Variants in CCDC192 observed in about 807,000 individuals in gnomAD.
CCDC192 encodes the protein coiled-coil domain containing 192.
chr5:127,757,006 C>T (rs1010324781), intron 3 of CCDC192, among the ~76,000 whole-genome samples: 3 of 152,086 alleles, frequency 2.0e-5, no homozygotes, highest in Non-Finnish European at 4.4e-5. Context: ...TTTATTTTTT[C>T]AGTAATATAG....
intron 5 of CCDC192, among the ~76,000 whole-genome samples, chr5:127,798,541 C>T (rs1757303181): frequency 6.6e-6 from 1 of 152,052 alleles, no homozygotes; most frequent in Non-Finnish European, 1.5e-5. Context: ...TTAAACTTTA[C>T]TGTATGTAAG....
chr5:127,828,711 G>T (rs1173615679), intron 5 of CCDC192, among the ~76,000 whole-genome samples: 1 of 152,188 alleles, frequency 6.6e-6, no homozygotes, highest in Non-Finnish European at 1.5e-5. Flanking sequence ...TCTCTCAGAA[G>T]AAATGAAATG....
intron 6 of CCDC192, among the ~76,000 whole-genome samples, chr5:127,924,375 A>G (rs775147882): frequency 7.2e-5 from 11 of 152,220 alleles, no homozygotes; most frequent in Non-Finnish European, 1.3e-4. Context: ...AAACACTGGG[A>G]GGGTCATCTT....
chr5:127,911,948 AT>A (rs1753371608), intron 6 of CCDC192, among the ~76,000 whole-genome samples: 1 of 151,414 alleles, frequency 6.6e-6, no homozygotes, highest in Non-Finnish European at 1.5e-5. Context: ...TTCGGATGGA[AT>A]TTTGCTCTGT....
At chr5:127,902,780 A>G (rs1753076229) in intron 6 of CCDC192, among the ~76,000 whole-genome samples, 1 of 152,214 alleles carries the variant, frequency 6.6e-6, no homozygotes, top group Non-Finnish European at 1.5e-5. Flanking sequence ...CGATGACACC[A>G]GTTACTCTGG....
chr5:127,928,101 T>C (rs976320442), intron 6 of CCDC192, among the ~76,000 whole-genome samples: 1 of 152,044 alleles, frequency 6.6e-6, no homozygotes, highest in African/African-American at 2.4e-5. Flanking sequence ...CTAATTTCTG[T>C]ATGTTTAGTA....
intron 2 of CCDC192, among the ~76,000 whole-genome samples, chr5:127,747,507 T>G (rs1035676767): frequency 4.6e-5 from 7 of 152,164 alleles, no homozygotes; most frequent in African/African-American, 1.7e-4. Context: ...AGTCTGTCAT[T>G]GTTGGGCATT....
intron 5 of CCDC192, among the ~76,000 whole-genome samples, chr5:127,809,725 T>C (rs1334346007): frequency 6.6e-6 from 1 of 152,096 alleles, no homozygotes; most frequent in African/African-American, 2.4e-5. Flanking sequence ...GCTGGCAAAG[T>C]CTACTGCAGT....
chr5:127,795,944 G>T (rs932368971), intron 3 of CCDC192, among the ~76,000 whole-genome samples: 1 of 152,088 alleles, frequency 6.6e-6, no homozygotes, highest in African/African-American at 2.4e-5. Context: ...GGTCTCCAAG[G>T]CCACCAAGAG....
chr5:127,787,872 A>C (rs1756638416), intron 3 of CCDC192, among the ~76,000 whole-genome samples: 2 of 152,186 alleles, frequency 1.3e-5, no homozygotes, highest in South Asian at 4.1e-4. Context: ...ACTTGAGGTG[A>C]GGAGTTTGAG....
At chr5:127,792,525 C>CGT (rs139549288) in intron 3 of CCDC192, among the ~76,000 whole-genome samples, 3 of 141,298 alleles carry the variant, frequency 2.1e-5, no homozygotes, top group Middle Eastern at 3.6e-3. Flanking sequence ...ATCACCATCT[C>CGT]ATATATATAT....
intron 6 of CCDC192, among the ~76,000 whole-genome samples, chr5:127,932,398 T>A (rs1441537052): frequency 1.3e-5 from 2 of 151,716 alleles, no homozygotes; most frequent in African/African-American, 4.8e-5. Flanking sequence ...GAGACAGGGT[T>A]TCTCCATGTT....
intron 2 of CCDC192, among the ~76,000 whole-genome samples, chr5:127,736,429 T>A (rs1390843104): frequency 6.6e-6 from 1 of 151,822 alleles, no homozygotes; most frequent in African/African-American, 2.4e-5. Context: ...GGTATCAGAA[T>A]GATGCTTGCC....
At chr5:127,888,183 A>G (rs943060976) in intron 6 of CCDC192, among the ~76,000 whole-genome samples, 3 of 151,968 alleles carry the variant, frequency 2.0e-5, no homozygotes, top group South Asian at 4.2e-4. Flanking sequence ...TGGGAGGCCA[A>G]GGTACATAGA....
At chr5:127,725,068 CTCTT>C (rs1752245037) in intron 2 of CCDC192, among the ~76,000 whole-genome samples, 1 of 152,048 alleles carries the variant, frequency 6.6e-6, no homozygotes, top group South Asian at 2.1e-4. Flanking sequence ...CATAGCAAAA[CTCTT>C]TATATCAAAT....
intron 6 of CCDC192, among the ~76,000 whole-genome samples, chr5:127,909,064 G>A (rs17164533): frequency 0.21 from 31,651 of 152,140 alleles, 3,442 homozygotes; most frequent in East Asian, 0.32. Flanking sequence ...GGGAGGTCAT[G>A]TGATGTGATA....
intron 5 of CCDC192, among the ~76,000 whole-genome samples, chr5:127,862,757 G>C (rs769070278): frequency 2.6e-5 from 4 of 152,008 alleles, no homozygotes; most frequent in Non-Finnish European, 5.9e-5. Flanking sequence ...TTATCATAAG[G>C]TTTCCTATTT....
intron 5 of CCDC192, among the ~76,000 whole-genome samples, chr5:127,854,047 G>A (rs2127090339): frequency 1.3e-5 from 2 of 152,140 alleles, no homozygotes; most frequent in East Asian, 3.8e-4. Flanking sequence ...CCACTCAGCA[G>A]CCTGCAGCAC....
At chr5:127,813,163 C>T (rs56012812) in intron 5 of CCDC192, among the ~76,000 whole-genome samples, 3,505 of 152,264 alleles carry the variant, frequency 0.023, 72 homozygotes, top group African/African-American at 0.053. Flanking sequence ...GCCCTTTTGA[C>T]GTTACTGTTC....
Sources: gnomAD v4.1 joint callset for allele counts (sites outside exome capture counted in the v4.1 genomes callset) on GRCh38, gnomAD v4.1.1 for gene constraint, MANE v1.5 for transcripts, NCBI Gene and HGNC (gene_info 2026-07-23, HGNC 2026-07-21) for gene names.